GRID1: variants seen among roughly 807,000 people sequenced by gnomAD.
GRID1 encodes glutamate ionotropic receptor delta type subunit 1, also known as glutamate receptor ionotropic, delta-1.
GRID1 carries 28 observed loss-of-function variants against 98.0 expected under a neutral mutation model. That is an observed-to-expected ratio of 0.29 (90% CI 0.21 to 0.39). The LOEUF is 0.39. GRID1 is among the 10% of genes least tolerant of loss of function. The pLI is 1.00. For missense variants in GRID1, 1,111 were observed against 1,340.5 expected, an observed-to-expected ratio of 0.83 and a Z score of 2.67; for synonymous variants, 553 against 538.5, an observed-to-expected ratio of 1.03 and a Z score of -0.37.
At position 85,599,610 on chromosome 10, in the gene GRID1, C is replaced by T. The variant is rs1472231663; in HGVS notation, c.*2663G>A. The T allele has an allele frequency of 6.6e-6, 1 of 150,904 alleles. No homozygotes were observed. The highest frequency in any genetic ancestry group is 2.5e-5 in the African/African-American group (1 of 40,696). The allele number at this position is 150,904 out of a possible 1,614,324, so 9.3% of individuals were successfully genotyped here. A position where few individuals can be genotyped will look rare whatever the true frequency, so the allele number is the denominator to read the frequency against. ...TTATTATTTGCAGTGTCTGAAGGCA[C>T]AAAATATACCTAAAATGTATGGAAT... On this transcript the variant is annotated 3_prime_UTR_variant, in exon 16 of 16. Transcript: ENST00000327946.
intron 15 of GRID1, among the ~76,000 whole-genome samples, chr10:85,611,978 C>T (rs1396892773): frequency 6.6e-6 from 1 of 152,220 alleles, no homozygotes; most frequent in East Asian, 1.9e-4. Flanking sequence ...ACTGAGGCTG[C>T]AGCTGGCCCC....
At chr10:86,068,969 TC>T (rs1466566771) in intron 4 of GRID1, among the ~76,000 whole-genome samples, 1 of 151,942 alleles carries the variant, frequency 6.6e-6, no homozygotes, top group Non-Finnish European at 1.5e-5. Flanking sequence ...CCTGCCACAG[TC>T]AGAAACTCCA....
At chr10:85,914,431 G>T (rs1564625361) in intron 5 of GRID1, among the ~76,000 whole-genome samples, 2 of 152,142 alleles carry the variant, frequency 1.3e-5, no homozygotes, top group Non-Finnish European at 2.9e-5. Flanking sequence ...AGAGAAGTCA[G>T]CAAACCCCAG....
chr10:85,997,579 A>G (rs565089662), intron 4 of GRID1, among the ~76,000 whole-genome samples: 12 of 152,320 alleles, frequency 7.9e-5, no homozygotes, highest in African/African-American at 2.9e-4. Context: ...AATCAAAGAT[A>G]CATAGTAAAA....
chr10:86,223,298 C>A lies in GRID1; in HGVS notation c.236-16650G>T, dbSNP rs558147168. On this transcript the variant is annotated intron_variant, in intron 2 of 15. Transcript: ENST00000327946. The stretch of plus-strand genomic sequence containing the variant: ...CCTTTCTCCACCCCCTGCCCAGACA[C>A]CTTCCCTGGAAAGAGACAAAGAGAT... Among the ~76,000 whole-genome samples, 6 of 152,316 alleles carry A rather than the reference C, an allele frequency of 3.9e-5. No individual in the cohort carries two copies. The East Asian group carries it at 1.2e-3, about 29-fold the overall frequency.
At chr10:85,705,278 T>C (rs960139678) in intron 12 of GRID1, among the ~76,000 whole-genome samples, 1 of 151,706 alleles carries the variant, frequency 6.6e-6, no homozygotes, top group Non-Finnish European at 1.5e-5. Context: ...TGAAAAATGA[T>C]AAAGGGGATA....
intron 2 of GRID1, among the ~76,000 whole-genome samples, chr10:86,306,456 A>T (rs1194440923): frequency 6.6e-6 from 1 of 152,204 alleles, no homozygotes; most frequent in Admixed American, 6.5e-5. Flanking sequence ...ATTCAAGGAG[A>T]CTTCCAAATC....
At chr10:86,288,798 G>C (rs898061945) in intron 2 of GRID1, among the ~76,000 whole-genome samples, 3 of 152,226 alleles carry the variant, frequency 2.0e-5, no homozygotes, top group Non-Finnish European at 4.4e-5. Context: ...GCTTCTATGA[G>C]CAGGGCCGAC....
intron 4 of GRID1, among the ~76,000 whole-genome samples, chr10:86,029,605 C>T (rs896086791): frequency 2.0e-5 from 3 of 152,032 alleles, no homozygotes; most frequent in Admixed American, 1.3e-4. Flanking sequence ...TACTCCAAAG[C>T]TTATCATACA....
chr10:85,667,316 C>CACACAG, intron 12 of GRID1, among the ~76,000 whole-genome samples: 1 of 148,906 alleles, frequency 6.7e-6, no homozygotes, highest in East Asian at 2.0e-4. Flanking sequence ...CACACACACA[C>CACACAG]AGAGAGAGAG....
At chr10:86,177,440 G>A (rs1355028104) in intron 3 of GRID1, among the ~76,000 whole-genome samples, 2 of 151,950 alleles carry the variant, frequency 1.3e-5, no homozygotes, top group Admixed American at 6.6e-5. Context: ...ACTGTGTATG[G>A]GGGGGTGGGT....
intron 8 of GRID1, among the ~76,000 whole-genome samples, chr10:85,747,508 T>C (rs115222826): frequency 2.2e-3 from 331 of 152,228 alleles, no homozygotes; most frequent in African/African-American, 7.4e-3. Flanking sequence ...AGAAACCTCA[T>C]AGGGCTCAGG....
chr10:86,130,136 C>G (rs1401375590), intron 4 of GRID1, among the ~76,000 whole-genome samples: 1 of 152,272 alleles, frequency 6.6e-6, no homozygotes, highest in Admixed American at 6.5e-5. Flanking sequence ...TAACCCAGGT[C>G]TGCTGACCAC....
chr10:86,282,466 G>A (rs1486934402), intron 2 of GRID1, among the ~76,000 whole-genome samples: 1 of 152,184 alleles, frequency 6.6e-6, no homozygotes, highest in Non-Finnish European at 1.5e-5. Context: ...TGTCCTCACA[G>A]GGGATCCGTG....
chr10:85,918,434 G>A (rs1294248240), intron 4 of GRID1, among the ~76,000 whole-genome samples: 3 of 152,134 alleles, frequency 2.0e-5, no homozygotes, highest in Non-Finnish European at 2.9e-5. Flanking sequence ...AAAGCACATC[G>A]CTGGGCTCTA....
intron 4 of GRID1, among the ~76,000 whole-genome samples, chr10:85,930,200 G>A (rs1841830384): frequency 6.7e-6 from 1 of 150,120 alleles, no homozygotes; most frequent in African/African-American, 2.5e-5. Context: ...CAAATAACTT[G>A]CGGTTATTTT....
Position 85,691,773 on chromosome 10 carries a change from G to C in GRID1, c.1997+31230C>G, listed in dbSNP as rs189843118. ...TCATTTTTAAAATGTGAACAGCTCT[G>C]CATGGCCCCAAATGTGCCATACATA... On this transcript the variant is annotated intron_variant, in intron 12 of 15. Transcript: ENST00000327946. Among the ~76,000 whole-genome samples, 13 of 152,214 alleles carry C rather than the reference G, an allele frequency of 8.5e-5. No individual in the cohort carries two copies. The East Asian group carries it at 2.5e-3, about 29-fold the overall frequency.
intron 4 of GRID1, among the ~76,000 whole-genome samples, chr10:86,022,243 A>G (rs943818573): frequency 1.3e-5 from 2 of 152,234 alleles, no homozygotes; most frequent in Admixed American, 1.3e-4. Context: ...GAAGAGTCAC[A>G]TAATCAAGTT....
chr10:85,691,320 T>C (rs1047002715), intron 12 of GRID1, among the ~76,000 whole-genome samples: 4 of 152,236 alleles, frequency 2.6e-5, no homozygotes, highest in African/African-American at 4.8e-5. Context: ...TTTTCACCAA[T>C]TGAAGTTCAT....
Sources: gnomAD v4.1 joint callset for allele counts (sites outside exome capture counted in the v4.1 genomes callset) on GRCh38, gnomAD v4.1.1 for gene constraint, MANE v1.5 for transcripts, NCBI Gene and HGNC (gene_info 2026-07-23, HGNC 2026-07-21) for gene names.